Variants in OSBPL10 observed in about 807,000 individuals in gnomAD.
OSBPL10 encodes the protein oxysterol binding protein like 10, also known as oxysterol-binding protein-related protein 10.
OSBPL10 carries 49 observed loss-of-function variants against 81.7 expected under a neutral mutation model. That is an observed-to-expected ratio of 0.60 (90% CI 0.48 to 0.76). OSBPL10 has a LOEUF of 0.76. OSBPL10 is among the 30% of genes least tolerant of loss of function. OSBPL10 has a pLI of 0.00. For synonymous variants in OSBPL10, 419 were observed against 383.6 expected, an observed-to-expected ratio of 1.09 and a Z score of -1.08; for missense variants, 923 against 987.8, an observed-to-expected ratio of 0.93 and a Z score of 0.88.
chr3:31,697,207 G>C (rs1049881755), intron 7 of OSBPL10, among the ~76,000 whole-genome samples: 1 of 152,120 alleles, frequency 6.6e-6, no homozygotes, highest in African/African-American at 2.4e-5. Flanking sequence ...GAAGTCGGGC[G>C]ACCCAGTTGG....
chr3:31,844,082 TTA>T (rs1700570853), intron 3 of OSBPL10, among the ~76,000 whole-genome samples: 1 of 152,162 alleles, frequency 6.6e-6, no homozygotes, highest in South Asian at 2.1e-4. Flanking sequence ...TTCTAACATT[TTA>T]CACCGTAGGT....
At chr3:31,978,004 G>C (rs773563386) in intron 1 of OSBPL10, among the ~76,000 whole-genome samples, 1 of 152,128 alleles carries the variant, frequency 6.6e-6, no homozygotes, top group Non-Finnish European at 1.5e-5. Flanking sequence ...GGCCCAAACT[G>C]CCTTCCTAAG....
intron 2 of OSBPL10, chr3:31,988,849 C>T: frequency 1.7e-6 from 1 of 583,160 alleles, no homozygotes; most frequent in East Asian, 2.9e-5. Context: ...GAGATGACTG[C>T]AGCCATGACC....
rs146157148 is a variant in OSBPL10, at chr3:31,880,153, G to C, written c.282-323C>G. Among the ~76,000 whole-genome samples, 138 of 152,342 alleles carry C rather than the reference G, an allele frequency of 9.1e-4. 5 individuals carry two copies. In the East Asian group the frequency reaches 0.024, roughly 26 times the overall value. On this transcript the variant is annotated intron_variant, in intron 1 of 11. Coordinates refer to ENST00000396556, the MANE Select transcript of OSBPL10 (RefSeq NM_017784.5). ...AATGACAGAGACTGGCAGAAGCATT[G>C]CAACACAGCCTCTTGCAACATGCTC... is the stretch of plus-strand genomic sequence containing the variant.
At chr3:32,030,497 G>A (rs1699457782) in intron 2 of OSBPL10, 1 of 710,542 alleles carries the variant, frequency 1.4e-6, no homozygotes, top group East Asian at 2.7e-5. Flanking sequence ...CACTCTAAGG[G>A]CTGAGATCGC....
intron 1 of OSBPL10, among the ~76,000 whole-genome samples, chr3:31,916,623 T>C (rs1218331262): frequency 6.6e-6 from 1 of 152,202 alleles, no homozygotes; most frequent in Admixed American, 6.5e-5. Context: ...AGCTAATCAA[T>C]ACAGTAAAAA....
At chr3:31,987,607 G>A (rs1360029410) in intron 2 of OSBPL10, among the ~76,000 whole-genome samples, 1 of 152,178 alleles carries the variant, frequency 6.6e-6, no homozygotes, top group Non-Finnish European at 1.5e-5. Context: ...GGCCATGTTT[G>A]AGCTGGGCTC....
intron 1 of OSBPL10, among the ~76,000 whole-genome samples, chr3:31,943,576 TACAC>T (rs770779128): frequency 2.0e-5 from 3 of 152,226 alleles, no homozygotes; most frequent in Non-Finnish European, 2.9e-5. Context: ...TGTCTAGTTA[TACAC>T]ATACACAGAG....
intron 1 of OSBPL10, among the ~76,000 whole-genome samples, chr3:32,057,177 G>C (rs937121690): frequency 1.2e-4 from 19 of 152,172 alleles, no homozygotes; most frequent in Admixed American, 5.9e-4. Context: ...AGAAATAACT[G>C]TAAGTATACT....
Position 32,032,930 on chromosome 3 carries a change from A to G in OSBPL10, n.298+13561T>C, listed in dbSNP as rs1431536102. ...GGAGGACCATTGAAAGAAAATTCAC[A>G]TCTTTACTCAAGACCCATTCGCTAT... On this transcript the variant is annotated intron_variant and non_coding_transcript_variant, in intron 2 of 3. Coordinates refer to the OSBPL10 transcript ENST00000479173. 3.9e-5 allele frequency among the ~76,000 whole-genome samples: 6 copies of G among 152,358 alleles called. No homozygotes were observed. In the Middle Eastern group the frequency reaches 0.014, roughly 345 times the overall value.
chr3:31,976,112 G>A (rs568194871), intron 1 of OSBPL10, among the ~76,000 whole-genome samples: 2 of 152,262 alleles, frequency 1.3e-5, no homozygotes, highest in East Asian at 3.9e-4. Context: ...AGAACTCTAT[G>A]ATAATTATGT....
chr3:31,791,470 G>C (rs1366070062), intron 4 of OSBPL10, among the ~76,000 whole-genome samples: 2 of 152,162 alleles, frequency 1.3e-5, no homozygotes, highest in African/African-American at 4.8e-5. Context: ...TTTTCTGATA[G>C]CCTTGCATCA....
chr3:31,782,030 C>T (rs1465738444), intron 4 of OSBPL10, among the ~76,000 whole-genome samples: 1 of 152,180 alleles, frequency 6.6e-6, no homozygotes, highest in Non-Finnish European at 1.5e-5. Context: ...AAGCCAGAGG[C>T]ATCACATTAC....
intron 7 of OSBPL10, among the ~76,000 whole-genome samples, chr3:31,695,296 G>T (rs576325818): frequency 6.6e-6 from 1 of 152,244 alleles, no homozygotes; most frequent in African/African-American, 2.4e-5. Flanking sequence ...AATCCACATA[G>T]GGTTACAAAC....
At chr3:32,025,746 C>T (rs9865217) in intron 2 of OSBPL10, among the ~76,000 whole-genome samples, 116,045 of 152,120 alleles carry the variant, frequency 0.76, 45,581 homozygotes, top group East Asian at 1. Context: ...AATTCATCTG[C>T]TGTCTAACAG....
At chr3:31,676,058 T>G (rs955754159) in intron 8 of OSBPL10, among the ~76,000 whole-genome samples, 1 of 151,348 alleles carries the variant, frequency 6.6e-6, no homozygotes, top group Non-Finnish European at 1.5e-5. Flanking sequence ...GCATAAGAGA[T>G]AGCATCCTCC....
intron 1 of OSBPL10, among the ~76,000 whole-genome samples, chr3:31,905,344 G>GTTTTTTTTTTTTTTTTTTT (rs1575608407): frequency 1.8e-4 from 13 of 70,706 alleles, no homozygotes; most frequent in East Asian, 5.3e-4. Context: ...GGAACCTGGT[G>GTTTTTTTTTTTTTTTTTTT]ATTTTTTTTT....
intron 1 of OSBPL10, among the ~76,000 whole-genome samples, chr3:31,943,544 G>A (rs1468463992): frequency 6.6e-6 from 1 of 152,028 alleles, no homozygotes; most frequent in Non-Finnish European, 1.5e-5. Flanking sequence ...TAATATTTCA[G>A]AATATTCCCT....
chr3:31,702,552 A>T, intron 6 of OSBPL10, 44 bp from the exon 7 acceptor site: 1 of 1,610,886 alleles, frequency 6.2e-7, no homozygotes, highest in Non-Finnish European at 8.5e-7. Flanking sequence ...GGCCCAATAG[A>T]AGTTAGAAAT....
Sources: gnomAD v4.1 joint callset for allele counts (sites outside exome capture counted in the v4.1 genomes callset) on GRCh38, gnomAD v4.1.1 for gene constraint, MANE v1.5 for transcripts, NCBI Gene and HGNC (gene_info 2026-07-23, HGNC 2026-07-21) for gene names.